CNKSR2: variants seen among roughly 807,000 people sequenced by gnomAD.
CNKSR2 encodes the protein CNK homolog protein 2.
CNKSR2 carries 14 observed loss-of-function variants against 84.4 expected under a neutral mutation model. The ratio of observed to expected loss-of-function variants is 0.17; its 90% CI spans 0.11 to 0.26. The LOEUF (loss-of-function observed/expected upper bound fraction) is 0.26. CNKSR2 is among the 10% of genes least tolerant of loss of function. The pLI, the probability that CNKSR2 is intolerant of heterozygous loss-of-function variation, is 1.00. For missense variants in CNKSR2, 485 were observed against 771.2 expected (o/e 0.63, Z 4.40); for synonymous variants, 275 against 277.9 (o/e 0.99, Z 0.10).
intron 4 of CNKSR2, among the ~76,000 whole-genome samples, chrX:21,443,949 T>C (rs2090818878): frequency 8.9e-6 from 1 of 111,748 alleles, no homozygotes; most frequent in Admixed American, 9.5e-5. Context: ...AAGTAAATAA[T>C]TTATGAAACA....
chrX:21,481,771 G>A (rs1353433377), intron 5 of CNKSR2, among the ~76,000 whole-genome samples: 1 of 111,773 alleles, frequency 8.9e-6, no homozygotes, highest in Admixed American at 9.5e-5. Flanking sequence ...GCCTGTGTAG[G>A]GAGTCACGCA....
chrX:21,549,780 G>C (rs1292886554), intron 11 of CNKSR2, among the ~76,000 whole-genome samples: 1 of 111,942 alleles, frequency 8.9e-6, no homozygotes, highest in Admixed American at 9.4e-5. Context: ...CTACAACCAT[G>C]TGATCTTTGA....
At chrX:21,609,033 T>C in intron 19 of CNKSR2, 38 bp from the exon 20 acceptor site, 2 of 1,162,801 alleles carry the variant, frequency 1.7e-6, no homozygotes, top group Non-Finnish European at 2.3e-6. Flanking sequence ...AGTGGTCTGT[T>C]ATTTTGGCAC....
chrX:21,516,775 C>T, intron 9 of CNKSR2, 144 bp downstream of exon 9: 1 of 472,303 alleles, frequency 2.1e-6, no homozygotes. Flanking sequence ...GATCTCTTCA[C>T]AGCTATTCTA....
At chrX:21,380,699 C>T (rs1017374528) in intron 1 of CNKSR2, among the ~76,000 whole-genome samples, 8 of 111,285 alleles carry the variant, frequency 7.2e-5, no homozygotes, top group Non-Finnish European at 1.3e-4. Context: ...CCACCTGCCT[C>T]GGCCTCCTAA....
intron 15 of CNKSR2, 114 bp downstream of exon 15, chrX:21,591,308 T>C (rs556112806): frequency 3.7e-6 from 2 of 535,026 alleles, no homozygotes; most frequent in African/African-American, 4.8e-5. Context: ...TTCAGTAGAC[T>C]TCTGCTAGGT....
intron 1 of CNKSR2, among the ~76,000 whole-genome samples, chrX:21,379,312 G>A (rs2089864729): frequency 8.9e-6 from 1 of 112,384 alleles, no homozygotes; most frequent in African/African-American, 3.2e-5. Flanking sequence ...TTGAGAGAGA[G>A]ATTGGAAATA....
At chrX:21,533,395 A>G (rs2091901783) in intron 11 of CNKSR2, among the ~76,000 whole-genome samples, 1 of 110,760 alleles carries the variant, frequency 9.0e-6, no homozygotes. Flanking sequence ...ATAGGCAGTA[A>G]TGTATGTCAA....
At chrX:21,377,206 C>G (rs1359182318) in intron 1 of CNKSR2, among the ~76,000 whole-genome samples, 3 of 111,694 alleles carry the variant, frequency 2.7e-5, no homozygotes, top group South Asian at 7.5e-4. Flanking sequence ...TCCCAGACTA[C>G]TTACTGCTGA....
intron 1 of CNKSR2, among the ~76,000 whole-genome samples, chrX:21,402,491 A>G (rs2090204929): frequency 9.0e-6 from 1 of 111,239 alleles, no homozygotes; most frequent in Non-Finnish European, 1.9e-5. Flanking sequence ...TTAGTGGCAA[A>G]TGAGCACATA....
intron 18 of CNKSR2, among the ~76,000 whole-genome samples, chrX:21,602,407 G>A (rs2092488431): frequency 9.0e-6 from 1 of 111,483 alleles, no homozygotes. Context: ...GCGATTCACC[G>A]ATCTCCCAAA....
At chrX:21,474,003 C>T (rs1185077082) in intron 5 of CNKSR2, among the ~76,000 whole-genome samples, 2 of 109,347 alleles carry the variant, frequency 1.8e-5, no homozygotes, top group African/African-American at 3.4e-5. Flanking sequence ...CCCACCTCGG[C>T]CTCCCAAAGT....
intron 13 of CNKSR2, among the ~76,000 whole-genome samples, chrX:21,578,818 T>C (rs921853555): frequency 1.8e-5 from 2 of 111,978 alleles, no homozygotes; most frequent in South Asian, 7.4e-4. Context: ...CTAGATCTTA[T>C]TCAGTTGAGG....
At chrX:21,479,318 A>G (rs1173805146) in intron 5 of CNKSR2, among the ~76,000 whole-genome samples, 1 of 111,868 alleles carries the variant, frequency 8.9e-6, no homozygotes, top group East Asian at 2.8e-4. Flanking sequence ...ATGTACACAC[A>G]TATATATCAC....
At chrX:21,614,512 GA>G (rs1337420376) in intron 20 of CNKSR2, among the ~76,000 whole-genome samples, 1 of 111,280 alleles carries the variant, frequency 9.0e-6, no homozygotes, top group Non-Finnish European at 1.9e-5. Context: ...AAAAATGGCA[GA>G]GAACCTTAAC....
chrX:21,461,140 A>C (rs1047390394), intron 4 of CNKSR2, among the ~76,000 whole-genome samples: 1 of 112,427 alleles, frequency 8.9e-6, no homozygotes, highest in Non-Finnish European at 1.9e-5. Flanking sequence ...ACTAATATAC[A>C]TTCCCACCAA....
At chrX:21,448,331 A>G (rs1323837727) in intron 4 of CNKSR2, among the ~76,000 whole-genome samples, 1 of 111,865 alleles carries the variant, frequency 8.9e-6, no homozygotes, top group African/African-American at 3.3e-5. Flanking sequence ...GTTCTATGAA[A>G]CATCAAATAT....
intron 1 of CNKSR2, among the ~76,000 whole-genome samples, chrX:21,411,165 C>G (rs935840606): frequency 2.7e-5 from 3 of 110,908 alleles, no homozygotes; most frequent in Non-Finnish European, 5.7e-5. Flanking sequence ...GGAATTACCA[C>G]TTTTGAAGGT....
intron 1 of CNKSR2, among the ~76,000 whole-genome samples, chrX:21,412,582 A>T (rs936523341): frequency 8.9e-6 from 1 of 111,943 alleles, no homozygotes; most frequent in Non-Finnish European, 1.9e-5. Context: ...ACTTCTATGT[A>T]GAATATGCTA....
Sources: allele counts gnomAD v4.1 joint callset (sites outside exome capture counted in the v4.1 genomes callset), GRCh38; gene constraint gnomAD v4.1.1; transcripts MANE v1.5; gene names NCBI Gene and HGNC (gene_info 2026-07-23, HGNC 2026-07-21).